SV2C: variants seen among roughly 807,000 people sequenced by gnomAD.
The protein encoded by SV2C is synaptic vesicle glycoprotein 2C, also known as solute carrier family 22 member B3.
A neutral mutation model predicts 79.7 loss-of-function variants in SV2C; 49 were observed. That is an observed-to-expected ratio of 0.61 (90% CI 0.49 to 0.78). The LOEUF (loss-of-function observed/expected upper bound fraction) is 0.78, where lower values mean the gene tolerates loss of function less well. Among genes scored for constraint, SV2C ranks in the 30% least tolerant of loss-of-function variants. The pLI, the probability that SV2C is intolerant of heterozygous loss-of-function variation, is 0.00. For missense variants in SV2C, 833 were observed against 912.9 expected, an observed-to-expected ratio of 0.91 and a Z score of 1.13; for synonymous variants, 334 against 333.2, an observed-to-expected ratio of 1.00 and a Z score of -0.03.
chr5:76,149,261 A>G (rs1401541526), intron 2 of SV2C, among the ~76,000 whole-genome samples: 2 of 152,214 alleles, frequency 1.3e-5, no homozygotes, highest in Admixed American at 1.3e-4. Context: ...TGTATGTCTT[A>G]TGAGCATTCC....
intron 4 of SV2C, among the ~76,000 whole-genome samples, chr5:76,267,783 G>A (rs925705867): frequency 1.3e-5 from 2 of 152,248 alleles, no homozygotes; most frequent in African/African-American, 4.8e-5. Flanking sequence ...CAACAGGGGT[G>A]AGGAGGGGAT....
At chr5:76,238,336 T>C (rs115846918) in intron 4 of SV2C, among the ~76,000 whole-genome samples, 2,719 of 151,930 alleles carry the variant, frequency 0.018, 96 homozygotes, top group African/African-American at 0.063. Context: ...GTATGTTCTT[T>C]GCCCTTTTTA....
At chr5:75,965,036 A>C in the SV2C span, among the ~76,000 whole-genome samples, 2 of 152,174 alleles carry the variant, frequency 1.3e-5, no homozygotes, top group African/African-American at 4.8e-5. Context: ...CTCCTTTTTT[A>C]TATTTAAGAT....
At chr5:76,067,305 C>T in the SV2C span, among the ~76,000 whole-genome samples, 3,714 of 151,880 alleles carry the variant, frequency 0.024, 157 homozygotes, top group African/African-American at 0.085. Flanking sequence ...GCCTATCAAA[C>T]TTTTTCATAT....
At chr5:76,114,542 G>A (rs1054055672) in intron 1 of SV2C, among the ~76,000 whole-genome samples, 6 of 152,190 alleles carry the variant, frequency 3.9e-5, no homozygotes, top group African/African-American at 1.2e-4. Flanking sequence ...GAATGAGGCC[G>A]ACTTGATCAA....
intron 2 of SV2C, among the ~76,000 whole-genome samples, chr5:76,188,453 G>T (rs955688431): frequency 4.6e-5 from 7 of 152,166 alleles, no homozygotes; most frequent in African/African-American, 1.7e-4. Flanking sequence ...ACTGGTTGGG[G>T]AAGGGTTCAG....
the SV2C span, among the ~76,000 whole-genome samples, chr5:75,898,573 C>G: frequency 6.6e-6 from 1 of 152,164 alleles, no homozygotes; most frequent in African/African-American, 2.4e-5. Flanking sequence ...CAGGATGATG[C>G]TGGCCTCATA....
chr5:76,239,936 T>C (rs569378513), intron 4 of SV2C, among the ~76,000 whole-genome samples: 58 of 152,332 alleles, frequency 3.8e-4, no homozygotes, highest in Admixed American at 1.1e-3. Flanking sequence ...GCTTCCCTTC[T>C]TTGCAACATG....
chr5:75,982,590 C>G, the SV2C span, among the ~76,000 whole-genome samples: 1 of 152,146 alleles, frequency 6.6e-6, no homozygotes, highest in South Asian at 2.1e-4. Context: ...AAATACCATT[C>G]CACCCAGCAA....
chr5:76,012,402 GTCT>G, the SV2C span, among the ~76,000 whole-genome samples: 1 of 152,194 alleles, frequency 6.6e-6, no homozygotes, highest in Non-Finnish European at 1.5e-5. Context: ...CCACACAAAT[GTCT>G]TCTTTTGAGA....
chr5:76,024,428 G>A, the SV2C span, among the ~76,000 whole-genome samples: 1 of 152,028 alleles, frequency 6.6e-6, no homozygotes, highest in Non-Finnish European at 1.5e-5. Context: ...CTTATTTATT[G>A]GTCATTTGCT....
rs1481833803 is a variant in SV2C, at chr5:76,203,346, G to GT, written c.762-6389dup. On this transcript the variant is annotated intron_variant, in intron 3 of 12. Coordinates refer to ENST00000502798, the MANE Select transcript of SV2C (RefSeq NM_014979.4). ...TGGATAATGGGTAAATGAAGGGTGG[G>GT]TGGGAGGATGAGTGCAGGAATGGAT... Among the ~76,000 whole-genome samples, 5 of 152,128 alleles carry GT rather than the reference G, an allele frequency of 3.3e-5. No individual in the cohort carries two copies. In the East Asian group the frequency reaches 7.7e-4, roughly 24 times the overall value.
chr5:76,109,508 G>A (rs1448586443), intron 1 of SV2C, among the ~76,000 whole-genome samples: 4 of 152,150 alleles, frequency 2.6e-5, no homozygotes, highest in African/African-American at 9.7e-5. Context: ...ATGTGTCCCC[G>A]AAAAGAAATG....
chr5:76,195,324 TAGA>T, intron 3 of SV2C, among the ~76,000 whole-genome samples: 1 of 152,310 alleles, frequency 6.6e-6, no homozygotes, highest in South Asian at 2.1e-4. Context: ...TTATTACTTC[TAGA>T]AGAAGAGTAT....
the SV2C span, chr5:76,075,600 A>G: frequency 5.4e-6 from 1 of 184,450 alleles, no homozygotes; most frequent in African/African-American, 2.4e-5. Flanking sequence ...CAACCAAGAG[A>G]AGACATGTCC....
the SV2C span, among the ~76,000 whole-genome samples, chr5:75,862,460 A>T: frequency 1.3e-5 from 2 of 152,364 alleles, no homozygotes; most frequent in South Asian, 4.1e-4. Context: ...ATCAGAAAAA[A>T]TACATCTAAT....
At chr5:76,001,982 A>G in the SV2C span, among the ~76,000 whole-genome samples, 1 of 151,612 alleles carries the variant, frequency 6.6e-6, no homozygotes, top group Non-Finnish European at 1.5e-5. Context: ...CCCAAAGTCC[A>G]CTATATCATT....
the SV2C span, among the ~76,000 whole-genome samples, chr5:75,998,594 C>A: frequency 6.6e-6 from 1 of 151,886 alleles, no homozygotes; most frequent in African/African-American, 2.4e-5. Context: ...CCTTACTCTT[C>A]AGAACATGAT....
chr5:76,079,746 TCTGGAAGAAAG>T, upstream of SV2C: 1 of 263,426 alleles, frequency 3.8e-6, no homozygotes, highest in African/African-American at 2.3e-5. Flanking sequence ...TTTTACGCTG[TCTGGAAGAAAG>T]CTAAACCCTG....
Sources: allele counts gnomAD v4.1 joint callset (sites outside exome capture counted in the v4.1 genomes callset), GRCh38; gene constraint gnomAD v4.1.1; transcripts MANE v1.5; gene names NCBI Gene and HGNC (gene_info 2026-07-23, HGNC 2026-07-21).